Variants in OSBP observed in about 807,000 individuals in gnomAD.
OSBP encodes the protein oxysterol binding protein, also known as oxysterol-binding protein 1.
Under a neutral mutation model 96.6 loss-of-function variants are expected in OSBP, and 32 were observed. That is an observed-to-expected ratio of 0.33 (90% CI 0.25 to 0.45). The LOEUF is 0.45. Among genes scored for constraint, OSBP ranks in the 20% least tolerant of loss-of-function variants. The probability of loss-of-function intolerance (pLI) is 1.00; values close to 1 mark genes in which losing one functional copy is unlikely to be tolerated. For synonymous variants in OSBP, 369 were observed against 389.6 expected (o/e 0.95, Z 0.62); for missense variants, 653 against 1,029.7 (o/e 0.63, Z 5.01).
intron 1 of OSBP, among the ~76,000 whole-genome samples, chr11:59,613,087 G>A (rs1860872257): frequency 6.6e-6 from 1 of 152,184 alleles, no homozygotes; most frequent in African/African-American, 2.4e-5. Flanking sequence ...AATAATTCTT[G>A]GAGGAAGATG....
At chr11:59,586,069 CTTTG>C (rs1860496030) in intron 9 of OSBP, among the ~76,000 whole-genome samples, 1 of 151,642 alleles carries the variant, frequency 6.6e-6, no homozygotes, top group African/African-American at 2.4e-5. Flanking sequence ...AACCAGAGAC[CTTTG>C]TTCACTTGTT....
chr11:59,611,135 C>CAAAAAAAAAAAAAAAAAAAAAA (rs35074206), intron 1 of OSBP, among the ~76,000 whole-genome samples: 1 of 60,112 alleles, frequency 1.7e-5, no homozygotes, highest in African/African-American at 4.9e-5. Flanking sequence ...AACTCCGTCT[C>CAAAAAAAAAAAAAAAAAAAAAA]AAAAAAAAAA....
chr11:59,602,213 C>T (rs531633740), intron 3 of OSBP, among the ~76,000 whole-genome samples: 4 of 152,162 alleles, frequency 2.6e-5, no homozygotes, highest in Non-Finnish European at 4.4e-5. Context: ...AGGATAACTG[C>T]TTTCAACAAA....
intron 11 of OSBP, among the ~76,000 whole-genome samples, chr11:59,578,641 G>T (rs1166077924): frequency 6.6e-6 from 1 of 152,134 alleles, no homozygotes; most frequent in Non-Finnish European, 1.5e-5. Flanking sequence ...TTGTAGAGAA[G>T]GGGTCTTGCT....
intron 1 of OSBP, among the ~76,000 whole-genome samples, chr11:59,614,207 G>A (rs1860890632): frequency 6.6e-6 from 1 of 152,144 alleles, no homozygotes; most frequent in African/African-American, 2.4e-5. Context: ...TGAGTTTTAG[G>A]TTAGATTAGT....
intron 3 of OSBP, among the ~76,000 whole-genome samples, chr11:59,606,740 T>C (rs570580235): frequency 3.9e-5 from 6 of 152,366 alleles, no homozygotes; most frequent in African/African-American, 1.4e-4. Context: ...GATATAACTT[T>C]GCCCGTTTAG....
At chr11:59,614,444 C>T (rs142612507) in intron 1 of OSBP, among the ~76,000 whole-genome samples, 29 of 152,338 alleles carry the variant, frequency 1.9e-4, no homozygotes, top group African/African-American at 7.0e-4. Flanking sequence ...TATCTTAACT[C>T]CTCTATCCTT....
At chr11:59,603,529 G>GTTTTT (rs370609645) in intron 3 of OSBP, among the ~76,000 whole-genome samples, 18 of 86,772 alleles carry the variant, frequency 2.1e-4, no homozygotes, top group East Asian at 4.2e-4. Context: ...ATCACCTTCA[G>GTTTTT]TTTTTTTTTT....
At chr11:59,581,185 T>C (rs1421351602) in intron 10 of OSBP, among the ~76,000 whole-genome samples, 1 of 152,220 alleles carries the variant, frequency 6.6e-6, no homozygotes, top group Non-Finnish European at 1.5e-5. Flanking sequence ...ACGTTTGTTT[T>C]TTCTACCTGT....
chr11:59,604,929 G>A (rs1368675617), intron 3 of OSBP, among the ~76,000 whole-genome samples: 1 of 151,300 alleles, frequency 6.6e-6, no homozygotes, highest in Non-Finnish European at 1.5e-5. Flanking sequence ...CTAGGCAGGT[G>A]GATCACAAGG....
rs190289629 is a variant in OSBP, at chr11:59,594,627, G to A, written c.1312-372C>T. 2.0e-5 allele frequency among the ~76,000 whole-genome samples: 3 copies of A among 152,318 alleles called. No individual in the cohort carries two copies. The East Asian group carries it at 5.8e-4, about 29-fold the overall frequency. On this transcript the variant is annotated intron_variant, in intron 7 of 13. Transcript: ENST00000263847. ...TTTTAGCACAAGTATACCCAGAGAG[G>A]AAATCAGGTATTTAAAATTCTTGGA...
chr11:59,592,818 T>TA (rs1554980110), intron 9 of OSBP, among the ~76,000 whole-genome samples: 4 of 151,018 alleles, frequency 2.6e-5, no homozygotes, highest in Non-Finnish European at 5.9e-5. Flanking sequence ...TTTTTTGAGA[T>TA]AGAGTTTCAC....
At chr11:59,603,205 G>T (rs759258235) in intron 3 of OSBP, among the ~76,000 whole-genome samples, 4 of 152,132 alleles carry the variant, frequency 2.6e-5, no homozygotes, top group Non-Finnish European at 5.9e-5. Flanking sequence ...ACACATTTTT[G>T]AGTTTATTCA....
Position 59,608,657 on chromosome 11 carries a change from T to C in OSBP, c.649A>G (p.Lys217Glu). 1.2e-6 allele frequency: 2 copies of C among 1,614,104 alleles called. No individual in the cohort carries two copies. Among genetic ancestry groups the C allele is most frequent in the Non-Finnish European group, 8.5e-7 (1 of 1,179,926 alleles). The change falls in exon 3 of 14, where the codon AAA becomes GAA. Residue 217 changes from lysine to glutamate, a missense_variant. By Grantham distance (56) the Lys-to-Glu change is moderately conservative. Coordinates refer to ENST00000263847, the MANE Select transcript of OSBP (RefSeq NM_002556.3). ...LQNTLRTLSS[K>E]VEDLSTCNDL... Reference sequence around the variant, plus strand: ...TTGCACGTGCTCAAGTCCTCTACTTTGCTAGAGAGGGTCCGAAGGGTATTC... The same window carrying C: ...TTGCACGTGCTCAAGTCCTCTACTTCGCTAGAGAGGGTCCGAAGGGTATTC...
At chr11:59,605,855 A>G (rs1460652840) in intron 3 of OSBP, among the ~76,000 whole-genome samples, 1 of 152,328 alleles carries the variant, frequency 6.6e-6, no homozygotes, top group Admixed American at 6.5e-5. Flanking sequence ...GATGTCACAG[A>G]GGATGCAGGT....
intron 3 of OSBP, among the ~76,000 whole-genome samples, chr11:59,607,463 G>A (rs528413301): frequency 3.1e-4 from 47 of 152,144 alleles, no homozygotes; most frequent in African/African-American, 1.1e-3. Flanking sequence ...TAAAATAAAG[G>A]TTATCCAACT....
intron 9 of OSBP, among the ~76,000 whole-genome samples, chr11:59,587,613 A>C (rs941599401): frequency 6.6e-6 from 1 of 152,230 alleles, no homozygotes; most frequent in Non-Finnish European, 1.5e-5. Context: ...TATTAGATAA[A>C]TGCATGTCAA....
Position 59,615,688 on chromosome 11 carries a change from A to C in OSBP, c.-24T>G. The C allele has an allele frequency of 7.7e-7, 1 of 1,294,888 alleles. No homozygotes were observed. Among genetic ancestry groups the C allele is most frequent in the Non-Finnish European group, 9.8e-7 (1 of 1,022,838 alleles). The allele number at this position is 1,294,888 out of a possible 1,614,324, so 80.2% of individuals were successfully genotyped here. On this transcript the variant is annotated 5_prime_UTR_variant, in exon 1 of 14. Coordinates refer to ENST00000263847, the MANE Select transcript of OSBP (RefSeq NM_002556.3). ...ATGAGCCGCCGCCGCCTGGAGATAC[A>C]AGACCGGAACCGCCTACGAGAGCCG...
intron 1 of OSBP, 118 bp from the exon 2 acceptor site, chr11:59,610,707 A>C (rs867789940): frequency 1.0e-5 from 8 of 794,424 alleles, no homozygotes; most frequent in Middle Eastern, 2.8e-4. Context: ...AGGAATCAGC[A>C]AGTTCTAGTC....
Sources: gnomAD v4.1 joint callset for allele counts (sites outside exome capture counted in the v4.1 genomes callset) on GRCh38, gnomAD v4.1.1 for gene constraint, MANE v1.5 for transcripts, NCBI Gene and HGNC (gene_info 2026-07-23, HGNC 2026-07-21) for gene names.